NEDD1: variants seen among roughly 807,000 people sequenced by gnomAD.
NEDD1 encodes the protein NEDD1 gamma-tubulin ring complex targeting factor.
In NEDD1, 33 loss-of-function variants were observed where a neutral mutation model predicts 74.0. That is an observed-to-expected ratio of 0.45 (90% CI 0.34 to 0.60). NEDD1 has a LOEUF of 0.60. Ranked by LOEUF, NEDD1 falls within the 20% of genes least tolerant of loss-of-function variation. The pLI is 0.01. For missense variants in NEDD1, 746 were observed against 776.5 expected (o/e 0.96, Z 0.47); for synonymous variants, 250 against 264.4 (o/e 0.95, Z 0.53).
intron 13 of NEDD1, 144 bp downstream of exon 13, chr12:96,944,939 G>A (rs761115029): frequency 7.0e-5 from 39 of 555,680 alleles, no homozygotes; most frequent in Non-Finnish European, 1.1e-4. Context: ...TGTTGTGTGA[G>A]TGTTACTAAA....
chr12:96,929,402 T>C (rs1876099264), intron 6 of NEDD1, among the ~76,000 whole-genome samples: 1 of 149,920 alleles, frequency 6.7e-6, no homozygotes, highest in African/African-American at 2.4e-5. Flanking sequence ...TTTCTGATCT[T>C]CTGTTGAGAA....
Position 96,940,460 on chromosome 12 carries a change from G to GA in NEDD1, c.1175dup (p.Asn392LysfsTer8). The GA allele has an allele frequency of 1.2e-6, 2 of 1,604,278 alleles. No individual in the cohort carries two copies. Among genetic ancestry groups the GA allele is most frequent in the Admixed American group, 1.7e-5 (1 of 59,774 alleles). On this transcript the variant is annotated frameshift_variant, in exon 10 of 16. Transcript: ENST00000266742. LOFTEE classifies it high-confidence loss of function. ...ACTTTATCTAAGGAAACAGACAGTG[G>GA]AAAAAATCAGGATTTCTCCAGCTTT...
rs370177580 is a variant in NEDD1 at position 96,951,524 on chromosome 12, T to C, written c.1878+26T>C. On this transcript the variant is annotated intron_variant, in intron 15 of 15. Coordinates refer to ENST00000266742, the MANE Select transcript of NEDD1 (RefSeq NM_152905.4). Reference sequence around the variant, plus strand: ...GTATGTATGGCAAATTTTATTTTAATATTTTAAATGAAAGTAGAGTTGTGT... The same window carrying C: ...GTATGTATGGCAAATTTTATTTTAACATTTTAAATGAAAGTAGAGTTGTGT... 5.1e-6 allele frequency: 6 copies of C among 1,171,110 alleles called. No homozygotes were observed. In the African/African-American group the frequency reaches 7.7e-5, roughly 15 times the overall value. The allele number at this position is 1,171,110 out of a possible 1,614,324, so 72.5% of individuals were successfully genotyped here.
chr12:96,924,704 C>A, intron 6 of NEDD1: 1 of 294,966 alleles, frequency 3.4e-6, no homozygotes, highest in South Asian at 3.1e-5. Context: ...AGTCTTGATT[C>A]TTTTGAAAGA....
At chr12:96,935,554 G>T (rs774520805) in intron 7 of NEDD1, among the ~76,000 whole-genome samples, 4 of 152,084 alleles carry the variant, frequency 2.6e-5, no homozygotes, top group East Asian at 1.9e-4. Flanking sequence ...GTTTAGAAAC[G>T]ATTGACATTT....
chr12:96,940,573 T>A, intron 10 of NEDD1, 36 bp downstream of exon 10: 1 of 1,492,144 alleles, frequency 6.7e-7, no homozygotes, highest in Non-Finnish European at 9.2e-7. Flanking sequence ...CTCTTGCTGG[T>A]AGTTAATATT....
chr12:96,945,114 C>T (rs761893291), intron 13 of NEDD1, among the ~76,000 whole-genome samples: 39 of 151,972 alleles, frequency 2.6e-4, no homozygotes, highest in Non-Finnish European at 4.9e-4. Flanking sequence ...GTCTTTTTCT[C>T]TTTCATATTA....
chr12:96,924,177 T>C (rs1291478745), intron 6 of NEDD1, among the ~76,000 whole-genome samples: 1 of 152,232 alleles, frequency 6.6e-6, no homozygotes, highest in African/African-American at 2.4e-5. Flanking sequence ...AACTGGTAAC[T>C]GTATATGTTA....
At chr12:96,916,223 T>A (rs1441562397) in intron 4 of NEDD1, among the ~76,000 whole-genome samples, 1 of 138,576 alleles carries the variant, frequency 7.2e-6, no homozygotes, top group African/African-American at 2.8e-5. Context: ...TTGGAAGCCG[T>A]TGAAGATTTA....
At chr12:96,912,986 A>G (rs972176721) in intron 4 of NEDD1, among the ~76,000 whole-genome samples, 169 bp downstream of exon 4, 1 of 152,232 alleles carries the variant, frequency 6.6e-6, no homozygotes, top group Non-Finnish European at 1.5e-5. Flanking sequence ...TGTACTTACT[A>G]AAGTATTTTT....
At chr12:96,923,098 C>CAG (rs911454497) in intron 6 of NEDD1, among the ~76,000 whole-genome samples, 1 of 151,258 alleles carries the variant, frequency 6.6e-6, no homozygotes, top group African/African-American at 2.4e-5. Flanking sequence ...GCCTCAGTGA[C>CAG]AGAGTGAGAC....
At chr12:96,911,215 T>C (rs781734223) in intron 3 of NEDD1, among the ~76,000 whole-genome samples, 5 of 152,200 alleles carry the variant, frequency 3.3e-5, no homozygotes, top group Non-Finnish European at 7.3e-5. Context: ...AGCTTAATTT[T>C]CCCTCTTACT....
At chr12:96,933,623 A>G (rs1359947228) in intron 6 of NEDD1, among the ~76,000 whole-genome samples, 1 of 152,044 alleles carries the variant, frequency 6.6e-6, no homozygotes, top group East Asian at 1.9e-4. Context: ...TAACATATTA[A>G]TTGTCTTAAC....
At chr12:96,914,741 C>T (rs551468669) in intron 4 of NEDD1, among the ~76,000 whole-genome samples, 1 of 152,080 alleles carries the variant, frequency 6.6e-6, no homozygotes, top group African/African-American at 2.4e-5. Flanking sequence ...TTGTATTTCA[C>T]CTCTTTAAAG....
At chr12:96,949,964 A>T (rs1195543753) in intron 14 of NEDD1, among the ~76,000 whole-genome samples, 2 of 152,104 alleles carry the variant, frequency 1.3e-5, no homozygotes, top group Non-Finnish European at 2.9e-5. Context: ...TGCCTATAAA[A>T]ATACATTGGT....
chr12:96,911,361 G>A (rs546894982), intron 3 of NEDD1, among the ~76,000 whole-genome samples: 1 of 152,340 alleles, frequency 6.6e-6, no homozygotes, highest in Admixed American at 6.5e-5. Context: ...ATGAGATAGT[G>A]TTGTATGACT....
At chr12:96,927,290 A>G (rs756557056) in intron 6 of NEDD1, among the ~76,000 whole-genome samples, 74 of 152,330 alleles carry the variant, frequency 4.9e-4, no homozygotes, top group Non-Finnish European at 6.9e-4. Flanking sequence ...ATCATACTGA[A>G]TTGTATATAT....
At chr12:96,930,243 T>TCA (rs1565799230) in intron 6 of NEDD1, among the ~76,000 whole-genome samples, 33 of 149,760 alleles carry the variant, frequency 2.2e-4, no homozygotes, top group East Asian at 1.4e-3. Context: ...TCTCTCTCTC[T>TCA]CACACTCTCA....
At chr12:96,907,335 C>CCG (rs1161601322) in intron 1 of NEDD1, 35 bp downstream of exon 1, 1 of 379,610 alleles carries the variant, frequency 2.6e-6, no homozygotes, top group African/African-American at 2.1e-5. Context: ...CAGCGGGCCC[C>CCG]CGCCCGCCGC....
Sources: allele counts gnomAD v4.1 joint callset (sites outside exome capture counted in the v4.1 genomes callset), GRCh38; gene constraint gnomAD v4.1.1; transcripts MANE v1.5; gene names NCBI Gene and HGNC (gene_info 2026-07-23, HGNC 2026-07-21).